The following PYGB variants were observed in gnomAD, a reference collection of about 807,000 sequenced individuals.
The protein encoded by PYGB is glycogen phosphorylase, brain form.
Under a neutral mutation model 94.3 loss-of-function variants are expected in PYGB, and 82 were observed. That is an observed-to-expected ratio of 0.87 (90% CI 0.73 to 1.04). The LOEUF (loss-of-function observed/expected upper bound fraction) is 1.04, where lower values mean the gene tolerates loss of function less well. Among genes scored for constraint, PYGB ranks in the 50% least tolerant of loss-of-function variants. The probability of loss-of-function intolerance (pLI) is 0.00; values close to 1 mark genes in which losing one functional copy is unlikely to be tolerated. For synonymous variants in PYGB, 488 were observed against 479.1 expected, an observed-to-expected ratio of 1.02 and a Z score of -0.24; for missense variants, 1,132 against 1,158.2, an observed-to-expected ratio of 0.98 and a Z score of 0.33.
intron 1 of PYGB, among the ~76,000 whole-genome samples, chr20:25,248,905 G>A (rs2092879450): frequency 6.6e-6 from 1 of 152,182 alleles, no homozygotes; most frequent in African/African-American, 2.4e-5. Context: ...TTTTTTTTGT[G>A]TACGCTGCTT....
intron 9 of PYGB, 27 bp downstream of exon 9, chr20:25,279,176 C>T (rs747275316): frequency 1.2e-6 from 2 of 1,605,318 alleles, no homozygotes; most frequent in African/African-American, 1.3e-5. Flanking sequence ...AGGGCGGCAC[C>T]TCCCCAGAGC....
chr20:25,286,425 T>C (rs1396703711), intron 14 of PYGB, among the ~76,000 whole-genome samples: 3 of 152,108 alleles, frequency 2.0e-5, no homozygotes, highest in Non-Finnish European at 2.9e-5. Flanking sequence ...CCCTGAGGAC[T>C]TGGCATTTGG....
At position 25,280,402 on chromosome 20, in the gene PYGB, G is replaced by A. The variant is rs767609032; in HGVS notation, c.1229G>A (p.Arg410Gln). 9 of 1,613,964 alleles carry A rather than the reference G, an allele frequency of 5.6e-6. No individual in the cohort carries two copies. Among genetic ancestry groups the A allele is most frequent in the African/African-American group, 2.7e-5 (2 of 74,940 alleles). Reference protein sequence around the residue: ...HLEIIYAINQRHLDHVAALFP... With the variant: ...HLEIIYAINQQHLDHVAALFP... Reference sequence around the variant, plus strand: ...GAGATAATCTATGCCATCAACCAGCGGCACCTGGACGTGAGTGTGGGCCCA... The same window carrying A: ...GAGATAATCTATGCCATCAACCAGCAGCACCTGGACGTGAGTGTGGGCCCA... The change falls in exon 10 of 20, where the codon CGG becomes CAG. Residue 410 changes from arginine (R) to glutamine (Q), a missense_variant. Physicochemically the swap from Arg to Gln is conservative, Grantham distance 43. Coordinates refer to ENST00000216962, the MANE Select transcript of PYGB (RefSeq NM_002862.4).
intron 4 of PYGB, among the ~76,000 whole-genome samples, chr20:25,272,430 G>C (rs894058443): frequency 6.6e-6 from 1 of 152,186 alleles, no homozygotes; most frequent in African/African-American, 2.4e-5. Context: ...AAACATAAAC[G>C]CAAGGAGCTG....
At chr20:25,283,965 C>T (rs1426234047) in intron 13 of PYGB, 139 bp from the exon 14 acceptor site, 4 of 988,746 alleles carry the variant, frequency 4.0e-6, no homozygotes, top group Non-Finnish European at 5.9e-6. Flanking sequence ...GGTGCAATCT[C>T]TGCCCCTCAG....
chr20:25,260,497 T>C (rs995414025), intron 2 of PYGB, among the ~76,000 whole-genome samples: 3 of 152,230 alleles, frequency 2.0e-5, no homozygotes, highest in African/African-American at 4.8e-5. Flanking sequence ...TTTGTATACT[T>C]GATGGGAGGT....
Position 25,296,542 on chromosome 20 carries a change from G to A in PYGB, c.*20G>A, listed in dbSNP as rs748510041. ...GACTAGGCACACCCTGCCTTGGCGG[G>A]ACCAGCGGGCATTTGTTTTCTTGCT... On this transcript the variant is annotated 3_prime_UTR_variant, in exon 20 of 20. Coordinates refer to ENST00000216962, the MANE Select transcript of PYGB (RefSeq NM_002862.4). 6.9e-6 allele frequency: 11 copies of A among 1,596,664 alleles called. No individual in the cohort carries two copies. Among genetic ancestry groups the A allele is most frequent in the Non-Finnish European group, 9.4e-6 (11 of 1,171,460 alleles).
chr20:25,269,098 A>G (rs13038092), intron 2 of PYGB, 31 bp from the exon 3 acceptor site: 121,492 of 1,516,426 alleles, frequency 0.08, 5,196 homozygotes, highest in Middle Eastern at 0.1. Context: ...ATTGAGTAAC[A>G]TTAAAATGCT....
At chr20:25,267,537 G>A (rs1444647215) in intron 2 of PYGB, among the ~76,000 whole-genome samples, 1 of 49,662 alleles carries the variant, frequency 2.0e-5, no homozygotes, top group Non-Finnish European at 4.7e-5. Flanking sequence ...TTGTGTCATT[G>A]TTGTTGTTGT....
chr20:25,248,277 CCGGCACTTGCA>C lies in PYGB; in HGVS notation c.101_111del (p.Arg34LeufsTer74), dbSNP rs1346740241. 6.2e-7 allele frequency: 1 copy of C among 1,602,892 alleles called. No homozygotes were observed. Among genetic ancestry groups the C allele is most frequent in the African/African-American group, 1.4e-5 (1 of 73,848 alleles). On this transcript the variant is annotated frameshift_variant, in exon 1 of 20. Coordinates refer to ENST00000216962, the MANE Select transcript of PYGB (RefSeq NM_002862.4). LOFTEE classifies it high-confidence loss of function. ...TGGCCGAGGTGCGGAAGAGCTTCAA[CCGGCACTTGCA>C]CTTCACGCTGGTCAAGGACCGCAAT...
rs201359090 is a variant in PYGB, at chr20:25,248,196, G to A, written c.18G>A (p.Thr6=). The change falls in exon 1 of 20, where the codon ACG becomes ACA. Residue 6 remains threonine (T), a synonymous_variant. Transcript: ENST00000216962. MAKPL[T]DSEKRKQISV... ...CCGGCGCGATGGCGAAGCCGCTGAC[G>A]GACAGCGAGAAGCGGAAGCAGATCA... 3.8e-6 allele frequency: 6 copies of A among 1,591,012 alleles called. No homozygotes were observed. In the African/African-American group the frequency reaches 8.2e-5, roughly 22 times the overall value.
Position 25,288,697 on chromosome 20 carries a change from C to T in PYGB, c.1827+214C>T, listed in dbSNP as rs2088440111. 10 of 595,816 alleles carry T rather than the reference C, an allele frequency of 1.7e-5. No individual in the cohort carries two copies. In the East Asian group the frequency reaches 2.6e-4, roughly 15 times the overall value. The allele number at this position is 595,816 out of a possible 1,614,324, so 36.9% of individuals were successfully genotyped here. On this transcript the variant is annotated intron_variant, in intron 15 of 19. Transcript: ENST00000216962. ...TGCCTGCCCAGCTCACTGGAGGGGTCCCCAGCCTAGAGGGCCAGTCCCCAG... is the reference window on the plus strand; with the variant it reads ...TGCCTGCCCAGCTCACTGGAGGGGTTCCCAGCCTAGAGGGCCAGTCCCCAG...
chr20:25,288,386 C>G, intron 14 of PYGB, 39 bp from the exon 15 acceptor site: 4 of 1,612,776 alleles, frequency 2.5e-6, no homozygotes, highest in Non-Finnish European at 3.4e-6. Flanking sequence ...TCGTCCGGCT[C>G]GCGGTGCCTT....
In PYGB at chr20:25,290,886, G is replaced by GCCTGC. The variant is rs1268291733; in HGVS notation, c.1969+268_1969+272dup. Among the ~76,000 whole-genome samples, 4 of 152,082 alleles carry GCCTGC rather than the reference G, an allele frequency of 2.6e-5. No individual in the cohort carries two copies. In the East Asian group the frequency reaches 7.7e-4, roughly 29 times the overall value. The stretch of plus-strand genomic sequence containing the variant: ...GCACCCTTACTGCCGCGCCTGCCTG[G>GCCTGC]CCTGCCCTCTGTATCCTCCCTCCCC... On this transcript the variant is annotated intron_variant, in intron 16 of 19. Coordinates refer to ENST00000216962, the MANE Select transcript of PYGB (RefSeq NM_002862.4).
At position 25,283,668 on chromosome 20, in the gene PYGB, C is replaced by T. The variant is rs929875589; in HGVS notation, c.1620+391C>T. Among the ~76,000 whole-genome samples, 6 of 152,234 alleles carry T rather than the reference C, an allele frequency of 3.9e-5. No individual in the cohort carries two copies. In the East Asian group the frequency reaches 5.8e-4, roughly 15 times the overall value. ...GCTGTCTGCACCGGCAGCAGCCTCT[C>T]GGCTAGACCAGGGCCAGTCACGGCA... is the stretch of plus-strand genomic sequence containing the variant. On this transcript the variant is annotated intron_variant, in intron 13 of 19. Transcript: ENST00000216962.
At position 25,281,022 on chromosome 20, in the gene PYGB, A is replaced by G; in HGVS notation, c.1313A>G (p.Lys438Arg). Residue 438 changes from lysine (K) to arginine (R), a missense_variant, in exon 11 of 20, where the codon AAG (lysine) becomes AGG (arginine). Transcript: ENST00000216962. ...TCTGTGATCGAGGAGGGGGACTGCA[A>G]GCGGATCAACATGGCCCACCTGTGT... is the stretch of plus-strand genomic sequence containing the variant. ...RMSVIEEGDC[K>R]RINMAHLCVI... 6.2e-7 allele frequency: 1 copy of G among 1,614,172 alleles called. No homozygotes were observed. The highest frequency in any genetic ancestry group is 8.5e-7 in the Non-Finnish European group (1 of 1,180,020).
At chr20:25,285,054 C>T (rs1372309667) in intron 14 of PYGB, 2 of 152,220 alleles carry the variant, frequency 1.3e-5, no homozygotes, top group Admixed American at 6.5e-5. Context: ...CAAAGCTCCT[C>T]CCGGGAATAG....
chr20:25,257,791 G>T (rs1041449599), intron 1 of PYGB, among the ~76,000 whole-genome samples: 2 of 152,190 alleles, frequency 1.3e-5, no homozygotes, highest in African/African-American at 4.8e-5. Context: ...GATAGCCAGG[G>T]TCTAGTTGGG....
intron 16 of PYGB, 110 bp downstream of exon 16, chr20:25,290,732 C>T: frequency 1.4e-6 from 2 of 1,436,414 alleles, no homozygotes; most frequent in Non-Finnish European, 1.9e-6. Context: ...CCTGGACACC[C>T]AGACCTAGCC....
Sources: gnomAD v4.1 joint callset for allele counts (sites outside exome capture counted in the v4.1 genomes callset) on GRCh38, gnomAD v4.1.1 for gene constraint, MANE v1.5 for transcripts, NCBI Gene and HGNC (gene_info 2026-07-23, HGNC 2026-07-21) for gene names.